The following ADGRV1 variants were observed in gnomAD, a reference collection of about 807,000 sequenced individuals.
The protein encoded by ADGRV1 is adhesion G protein-coupled receptor V1.
ADGRV1 carries 359 observed loss-of-function variants against 596.2 expected under a neutral mutation model. The ratio of observed to expected loss-of-function variants is 0.60; its 90% CI spans 0.55 to 0.66. ADGRV1 has a LOEUF of 0.66. Ranked by LOEUF, ADGRV1 falls within the 30% of genes least tolerant of loss-of-function variation. The pLI, the probability that ADGRV1 is intolerant of heterozygous loss-of-function variation, is 0.00. For missense variants in ADGRV1, 7,274 were observed against 7,575.6 expected (o/e 0.96, Z 1.48); for synonymous variants, 2,681 against 2,679.2 (o/e 1.00, Z -0.02).
chr5:90,678,369 G>C (rs940913037), intron 25 of ADGRV1, among the ~76,000 whole-genome samples: 1 of 151,606 alleles, frequency 6.6e-6, no homozygotes, highest in Non-Finnish European at 1.5e-5. Context: ...ATAATGGTTG[G>C]GGTACAAGAT....
intron 83 of ADGRV1, among the ~76,000 whole-genome samples, chr5:90,886,503 T>C (rs974003475): frequency 6.6e-6 from 1 of 152,202 alleles, no homozygotes; most frequent in East Asian, 1.9e-4. Context: ...ACTAAAATTA[T>C]AGAAATATTA....
intron 83 of ADGRV1, among the ~76,000 whole-genome samples, chr5:90,962,456 G>C (rs1374464712): frequency 6.6e-6 from 1 of 152,180 alleles, no homozygotes; most frequent in East Asian, 1.9e-4. Flanking sequence ...ATCTCTATGT[G>C]TTTGAATAAA....
intron 83 of ADGRV1, among the ~76,000 whole-genome samples, chr5:90,868,648 C>CTT (rs35485525): frequency 1.6e-4 from 22 of 137,214 alleles, no homozygotes; most frequent in African/African-American, 4.6e-4. Flanking sequence ...GTATGTAAGC[C>CTT]TTTTTTTTTT....
chr5:90,940,414 T>C (rs1776073899), intron 83 of ADGRV1, among the ~76,000 whole-genome samples: 1 of 152,228 alleles, frequency 6.6e-6, no homozygotes. Flanking sequence ...CATGATTTTG[T>C]TGCTGCTGCT....
chr5:90,937,560 C>T (rs1418117952), intron 83 of ADGRV1, among the ~76,000 whole-genome samples: 1 of 151,460 alleles, frequency 6.6e-6, no homozygotes, highest in Non-Finnish European at 1.5e-5. Flanking sequence ...CGGGTTCACG[C>T]CGTTCTCCTG....
intron 85 of ADGRV1, among the ~76,000 whole-genome samples, chr5:91,071,947 G>A (rs1209285455): frequency 6.6e-6 from 1 of 152,122 alleles, no homozygotes; most frequent in Non-Finnish European, 1.5e-5. Flanking sequence ...AAAGTGCTGG[G>A]ATTACAGGCA....
At chr5:90,777,728 T>C (rs1303854678) in intron 61 of ADGRV1, among the ~76,000 whole-genome samples, 177 bp from the exon 62 acceptor site, 2 of 152,230 alleles carry the variant, frequency 1.3e-5, no homozygotes, top group Non-Finnish European at 2.9e-5. Flanking sequence ...ACTTTGGGTG[T>C]TACTATCTTG....
At chr5:90,855,363 AAC>A (rs1766929975) in intron 81 of ADGRV1, among the ~76,000 whole-genome samples, 1 of 152,154 alleles carries the variant, frequency 6.6e-6, no homozygotes, top group Non-Finnish European at 1.5e-5. Flanking sequence ...AAGAAGAGTA[AAC>A]ACATATCACA....
chr5:90,679,624 A>C lies in ADGRV1; in HGVS notation c.5519A>C (p.Lys1840Thr). The stretch of plus-strand genomic sequence containing the variant: ...GAATTCTTCCTTCCAACTATTCACA[A>C]ACGTGGTAAGCAGTTTTTCCAAGGT... ...DMEFFLPTIH[K>T]RASLGVASQI... Residue 1840 changes from lysine to threonine, a missense_variant, in exon 26 of 90, where the codon AAA becomes ACA. Around this residue, in one of 5 missense-constraint regions of ADGRV1, gnomAD observed 3,643 missense variants for 3,809.2 expected, o/e 0.96. Coordinates refer to ENST00000405460, the MANE Select transcript of ADGRV1 (RefSeq NM_032119.4). The C allele has an allele frequency of 1.2e-6, 2 of 1,612,524 alleles. No individual in the cohort carries two copies. Among genetic ancestry groups the C allele is most frequent in the Non-Finnish European group, 1.7e-6 (2 of 1,178,702 alleles).
intron 85 of ADGRV1, among the ~76,000 whole-genome samples, chr5:91,062,337 C>A (rs1348626547): frequency 1.3e-5 from 2 of 152,184 alleles, no homozygotes; most frequent in Non-Finnish European, 2.9e-5. Context: ...GCTTTTAGAG[C>A]AGAGTCACCA....
chr5:91,069,658 G>C (rs72784652), intron 85 of ADGRV1, among the ~76,000 whole-genome samples: 2 of 152,156 alleles, frequency 1.3e-5, no homozygotes, highest in African/African-American at 4.8e-5. Flanking sequence ...TGCACTATTG[G>C]TGTGAATATA....
rs545967626 is a variant in ADGRV1 at position 90,787,644 on chromosome 5, G to A, written c.13654-427G>A. On this transcript the variant is annotated intron_variant, in intron 67 of 89. Transcript: ENST00000405460. ...TTCGCTCTTTGTTGCCTAGGCTGGA[G>A]TGCAGTGGCGTGATCTTGGCTCACT... Among the ~76,000 whole-genome samples the A allele has an allele frequency of 4.2e-5, 6 of 142,270 alleles. No individual in the cohort carries two copies. In the South Asian group the frequency reaches 1.3e-3, roughly 31 times the overall value. 93.3% of individuals were successfully genotyped at this position (142,270 alleles called of 152,430 possible).
At position 90,829,311 on chromosome 5, in the gene ADGRV1, T is replaced by C. The variant is rs909767506; in HGVS notation, c.16611+125T>C. The C allele has an allele frequency of 5.9e-6, 5 of 845,290 alleles. No homozygotes were observed. In the African/African-American group the frequency reaches 8.4e-5, roughly 14 times the overall value. 52.4% of individuals were successfully genotyped at this position (845,290 alleles called of 1,614,324 possible). A position where few individuals can be genotyped will look rare whatever the true frequency, so the allele number is the denominator to read the frequency against. On this transcript the variant is annotated intron_variant, in intron 77 of 89. Coordinates refer to ENST00000405460, the MANE Select transcript of ADGRV1 (RefSeq NM_032119.4). Reference sequence around the variant, plus strand: ...GATAACATCGTAATTCACTTTTTATTCATTACATTAAGCTTTATCCTTGAA... The same window carrying C: ...GATAACATCGTAATTCACTTTTTATCCATTACATTAAGCTTTATCCTTGAA...
chr5:90,654,234 A>C, intron 20 of ADGRV1: 1 of 404,254 alleles, frequency 2.5e-6, no homozygotes, highest in Admixed American at 3.8e-5. Flanking sequence ...AAGACAGAAA[A>C]AAATATGAAA....
At chr5:91,068,102 T>C (rs1361746735) in intron 85 of ADGRV1, among the ~76,000 whole-genome samples, 1 of 152,122 alleles carries the variant, frequency 6.6e-6, no homozygotes, top group Non-Finnish European at 1.5e-5. Context: ...TGTAGAAATA[T>C]CTCTTGAAAT....
At chr5:90,929,263 G>A (rs889171143) in intron 83 of ADGRV1, 365 of 154,652 alleles carry the variant, frequency 2.4e-3, no homozygotes, top group Non-Finnish European at 3.8e-3. Flanking sequence ...ATCTCAGACT[G>A]CTGTGCTAGC....
At chr5:90,767,955 G>A (rs1307912329) in intron 59 of ADGRV1, among the ~76,000 whole-genome samples, 1 of 152,122 alleles carries the variant, frequency 6.6e-6, no homozygotes, top group East Asian at 1.9e-4. Flanking sequence ...TAGGTTGTGT[G>A]CCCTAGCCAT....
In ADGRV1 at chr5:91,078,781, A is replaced by G. The variant is rs184333929; in HGVS notation, c.18310+6177A>G. Among the ~76,000 whole-genome samples the G allele has an allele frequency of 1.3e-3, 201 of 152,318 alleles. 1 individual carries two copies. Among genetic ancestry groups the G allele is most frequent in the African/African-American group, 4.5e-3 (189 of 41,580 alleles). On this transcript the variant is annotated intron_variant, in intron 86 of 89. Transcript: ENST00000405460. The stretch of plus-strand genomic sequence containing the variant: ...AGGCTTCTTGTAGGTTCCATCCCCA[A>G]TGGACACCACACAGAGTTGAAAACC...
intron 14 of ADGRV1, among the ~76,000 whole-genome samples, chr5:90,644,288 C>G (rs80105713): frequency 6.6e-6 from 1 of 152,102 alleles, no homozygotes; most frequent in African/African-American, 2.4e-5. Context: ...ACTACTGCTA[C>G]GGAACTGTTG....
Sources: gnomAD v4.1 joint callset for allele counts (sites outside exome capture counted in the v4.1 genomes callset) on GRCh38, gnomAD v4.1.1 for gene constraint, gnomAD v4.1.1 regional missense constraint, MANE v1.5 for transcripts, NCBI Gene and HGNC (gene_info 2026-07-23, HGNC 2026-07-21) for gene names.